Variants in KIF12 observed in about 807,000 individuals in gnomAD.
The protein encoded by KIF12 is kinesin-like protein KIF12.
Under a neutral mutation model 87.9 loss-of-function variants are expected in KIF12, and 80 were observed. The observed-to-expected ratio is 0.91, with a 90% CI of 0.76 to 1.10. The LOEUF is 1.10. Among genes scored for constraint, KIF12 ranks in the 50% least tolerant of loss-of-function variants. The probability of loss-of-function intolerance (pLI) is 0.00; values close to 1 mark genes in which losing one functional copy is unlikely to be tolerated. For missense variants in KIF12, 819 were observed against 865.3 expected, an observed-to-expected ratio of 0.95 and a Z score of 0.67; for synonymous variants, 353 against 348.5, an observed-to-expected ratio of 1.01 and a Z score of -0.14.
Position 114,097,434 on chromosome 9 carries a change from A to T in KIF12, c.513T>A (p.Val171=). The T allele has an allele frequency of 6.3e-7, 1 of 1,590,318 alleles. No homozygotes were observed. Residue 171 remains valine (V), a splice_region_variant and synonymous_variant, in exon 7 of 19, where the codon GTT becomes GTA. Coordinates refer to ENST00000640217, the MANE Select transcript of KIF12 (RefSeq NM_001388308.1). Reference sequence around the variant, plus strand: ...GAGACCCCAGGCTCAGCAAGTCCCGAACCTGGGAGGGGAGGGAGGAGGGTG... The same window carrying T: ...GAGACCCCAGGCTCAGCAAGTCCCGTACCTGGGAGGGGAGGGAGGAGGGTG... ...ASYLEIYNEQ[V]RDLLSLGSPR...
intron 12 of KIF12, 41 bp from the exon 13 acceptor site, chr9:114,094,312 G>A (rs766974860): frequency 2.5e-6 from 4 of 1,610,030 alleles, no homozygotes; most frequent in East Asian, 4.5e-5. Flanking sequence ...AGGAGCCCCA[G>A]ACCCTATCCC....
chr9:114,097,397 G>A lies in KIF12; in HGVS notation c.550C>T (p.Pro184Ser). The A allele has an allele frequency of 1.9e-6, 3 of 1,606,304 alleles. No individual in the cohort carries two copies. Among genetic ancestry groups the A allele is most frequent in the Non-Finnish European group, 2.5e-6 (3 of 1,177,830 alleles). ...LLSLGSPRPL[P>S]VRWNKTRGFY... Reference sequence around the variant, plus strand: ...CCCCGAGTCTTGTTCCAGCGAACAGGGAGGGGCCGGGGAGACCCCAGGCTC... The same window carrying A: ...CCCCGAGTCTTGTTCCAGCGAACAGAGAGGGGCCGGGGAGACCCCAGGCTC... Residue 184 changes from proline to serine, a missense_variant, in exon 7 of 19, where the codon CCT becomes TCT. Pro to Ser is a moderately conservative substitution (Grantham distance 74). Transcript: ENST00000640217.
In KIF12 at chr9:114,096,467, G is replaced by A. The variant is rs1428011980; in HGVS notation, c.658C>T (p.Arg220Ter). ...TTCAGGGTGTGGGCTGAGTTCCTTC[G>A]ACGGCTGAGACCTGGAAGGGAAAAA... is the stretch of plus-strand genomic sequence containing the variant. ...MELLQTGLSR[R>*]RNSAHTLNQA... The change falls in exon 8 of 19, where the codon CGA becomes TGA. Residue 220 changes from arginine (R) to a stop codon, truncating the protein, a stop_gained. Coordinates refer to ENST00000640217, the MANE Select transcript of KIF12 (RefSeq NM_001388308.1). LOFTEE classifies it high-confidence loss of function. 1.2e-6 allele frequency: 2 copies of A among 1,609,784 alleles called. No individual in the cohort carries two copies. Among genetic ancestry groups the A allele is most frequent in the South Asian group, 1.1e-5 (1 of 89,810 alleles).
At position 114,094,208 on chromosome 9, in the gene KIF12, TC is replaced by T. The variant is rs766875224; in HGVS notation, c.1285del (p.Glu429SerfsTer4). On this transcript the variant is annotated frameshift_variant, in exon 13 of 19. Coordinates refer to ENST00000640217, the MANE Select transcript of KIF12 (RefSeq NM_001388308.1). LOFTEE classifies it high-confidence loss of function. Reference protein sequence around the residue: ...AQRNLYGMLQEFMLENERLRK... With the variant: ...AQRNLYGMLQXFMLENERLRK... ...GAGCCTCTCATTCTCTAGCATGAAC[TC>T]CTGTAGCATCCCGTACAGGTTCCGC... 1 of 1,613,880 alleles carries T rather than the reference TC, an allele frequency of 6.2e-7. No homozygotes were observed.
At position 114,093,427 on chromosome 9, in the gene KIF12, C is replaced by T. The variant is rs142281188; in HGVS notation, c.1471G>A (p.Ala491Thr). ...GLTPPCPCLM[A>T]PAPPCHALPP... The stretch of plus-strand genomic sequence containing the variant: ...CTCACATGGCAAGGGGGAGCTGGGG[C>T]CATCAAGCAGGGACACGGTGGGGTC... The change falls in exon 15 of 19, where the codon GCC (alanine) becomes ACC (threonine). Residue 491 changes from alanine (A) to threonine (T), a missense_variant. Physicochemically the swap from Ala to Thr is moderately conservative, Grantham distance 58. Transcript: ENST00000640217. The T allele has an allele frequency of 1.4e-5, 22 of 1,568,584 alleles. No individual in the cohort carries two copies. The African/African-American group carries it at 2.7e-4, about 19-fold the overall frequency.
chr9:114,098,304 G>A lies in KIF12; in HGVS notation c.297C>T (p.Arg99=), dbSNP rs1424727965. Residue 99 remains arginine, a splice_region_variant and synonymous_variant, in exon 4 of 19, where the codon CGC becomes CGT. Transcript: ENST00000640217. The stretch of plus-strand genomic sequence containing the variant: ...AGCGGAGGCGAAGCTTCACTCACCC[G>A]CGCAGCGCCAGCTCCCCCAGGCGCC... ...GVRRLGELAL[R]GFSCTVFTFG... is the part of the protein sequence containing the mutation. 1 of 1,468,488 alleles carries A rather than the reference G, an allele frequency of 6.8e-7. No individual in the cohort carries two copies. The highest frequency in any genetic ancestry group is 1.4e-5 in the South Asian group (1 of 72,222). The allele number at this position is 1,468,488 out of a possible 1,614,324, so 91.0% of individuals were successfully genotyped here.
rs1307126050 is a variant in KIF12, at chr9:114,091,653, C to G, written c.*208G>C. The G allele has an allele frequency of 7.8e-6, 4 of 510,178 alleles. No individual in the cohort carries two copies. The highest frequency in any genetic ancestry group is 3.5e-5 in the Admixed American group (1 of 28,280). 31.6% of individuals were successfully genotyped at this position (510,178 alleles called of 1,614,324 possible). A position where few individuals can be genotyped will look rare whatever the true frequency, so the allele number is the denominator to read the frequency against. On this transcript the variant is annotated 3_prime_UTR_variant, in exon 19 of 19. Coordinates refer to ENST00000640217, the MANE Select transcript of KIF12 (RefSeq NM_001388308.1). The stretch of plus-strand genomic sequence containing the variant: ...CCAACCAGACTTGGAGCTGATGCCT[C>G]TCTTTATTCATGTATTTCATCCCCT...
In KIF12 at chr9:114,095,009, C is replaced by T. The variant is rs1588503118; in HGVS notation, c.1119+14G>A. The stretch of plus-strand genomic sequence containing the variant: ...TCCACGCCTGTCCCTCAGCTTGTGC[C>T]TGCCTATACTCACCTTGGGGGCCTG... On this transcript the variant is annotated intron_variant, in intron 11 of 18. Transcript: ENST00000640217. 1 of 1,544,800 alleles carries T rather than the reference C, an allele frequency of 6.5e-7. No individual in the cohort carries two copies. The highest frequency in any genetic ancestry group is 8.7e-7 in the Non-Finnish European group (1 of 1,146,240).
chr9:114,097,534 T>C, intron 6 of KIF12, 73 bp downstream of exon 6: 2 of 1,597,838 alleles, frequency 1.3e-6, no homozygotes, highest in South Asian at 1.1e-5. Context: ...CTTCTGTCCT[T>C]TGATCCAGGC....
In KIF12 at chr9:114,093,495, C is replaced by T. The variant is rs372317733; in HGVS notation, c.1403G>A (p.Arg468His). ...GTGATGGTAGCAGGCAGAGAGGAGA[C>T]GCCTAGAAAGAACAGCAGGGTCTAT... ...LAQQVHALERRLLSACYHHQQ... is the reference protein window; with the variant it reads ...LAQQVHALERHLLSACYHHQQ... Residue 468 changes from arginine (R) to histidine (H), a missense_variant and splice_region_variant, in exon 15 of 19, where the codon CGT (arginine) becomes CAT (histidine). Physicochemically the swap from Arg to His is conservative, Grantham distance 29. Transcript: ENST00000640217. The T allele has an allele frequency of 5.0e-5, 78 of 1,555,486 alleles. No individual in the cohort carries two copies. The African/African-American group carries it at 5.3e-4, about 11-fold the overall frequency.
At chr9:114,097,829 G>A in intron 5 of KIF12, 88 bp from the exon 6 acceptor site, 2 of 1,422,786 alleles carry the variant, frequency 1.4e-6, no homozygotes, top group Middle Eastern at 2.5e-4. Context: ...GCCGGGAAAC[G>A]TGCCAAGTTC....
chr9:114,092,333 C>T lies in KIF12; in HGVS notation c.1816G>A (p.Gly606Ser), dbSNP rs756964908. 6.3e-7 allele frequency: 1 copy of T among 1,575,084 alleles called. No individual in the cohort carries two copies. Among genetic ancestry groups the T allele is most frequent in the Non-Finnish European group, 8.6e-7 (1 of 1,163,316 alleles). ...RPPKTSPGLR[G>S]GAGVPNLAQR... ...GCCCCTCCCTCTCTCCCTTCTTCAC[C>T]TCTGAGCCCTGGTGATGTCTTCGGG... The change falls in exon 18 of 19, where the codon GGT becomes AGT. Residue 606 changes from glycine to serine, a missense_variant and splice_region_variant. Gly to Ser is a moderately conservative substitution (Grantham distance 56, BLOSUM62 0). Coordinates refer to ENST00000640217, the MANE Select transcript of KIF12 (RefSeq NM_001388308.1).
chr9:114,097,466 G>T, intron 6 of KIF12, 30 bp from the exon 7 acceptor site: 2 of 1,581,538 alleles, frequency 1.3e-6, no homozygotes, highest in Non-Finnish European at 1.7e-6. Flanking sequence ...GGTGAGGGAA[G>T]GGGATCTTTC....
Position 114,097,411 on chromosome 9 carries a change from G to A in KIF12, c.536C>T (p.Ser179Phe), listed in dbSNP as rs1332012030. 5.0e-6 allele frequency: 8 copies of A among 1,599,146 alleles called. No homozygotes were observed. The highest frequency in any genetic ancestry group is 6.0e-6 in the Non-Finnish European group (7 of 1,175,194). ...CCAGCGAACAGGGAGGGGCCGGGGAGACCCCAGGCTCAGCAAGTCCCGAAC... is the reference window on the plus strand; with the variant it reads ...CCAGCGAACAGGGAGGGGCCGGGGAAACCCCAGGCTCAGCAAGTCCCGAAC... ...EQVRDLLSLG[S>F]PRPLPVRWNK... Residue 179 changes from serine (S) to phenylalanine (F), a missense_variant, in exon 7 of 19, where the codon TCT (serine) becomes TTT (phenylalanine). Coordinates refer to ENST00000640217, the MANE Select transcript of KIF12 (RefSeq NM_001388308.1).
chr9:114,092,183 A>G (rs1397518092), intron 18 of KIF12, 150 bp downstream of exon 18: 3 of 1,483,764 alleles, frequency 2.0e-6, no homozygotes, highest in Non-Finnish European at 2.7e-6. Context: ...TCCTAAAAAG[A>G]GAATTCCAAG....
rs1287007061 is a variant in KIF12 at position 114,094,348 on chromosome 9, C to A, written c.1222+5G>T. 6.2e-7 allele frequency: 1 copy of A among 1,612,986 alleles called. No individual in the cohort carries two copies. Among genetic ancestry groups the A allele is most frequent in the Non-Finnish European group, 8.5e-7 (1 of 1,179,034 alleles). On this transcript the variant is annotated splice_donor_5th_base_variant and intron_variant, in intron 12 of 18. Transcript: ENST00000640217. ...CATCCTACTCTGCCTCCAGGAAGCC[C>A]ATACCCTTGCAGTCCATTTGGTCCA...
rs1016341184 is a variant in KIF12 at position 114,091,776 on chromosome 9, A to G, written c.*85T>C. 1.4e-6 allele frequency: 2 copies of G among 1,388,362 alleles called. No individual in the cohort carries two copies. Among genetic ancestry groups the G allele is most frequent in the Non-Finnish European group, 1.9e-6 (2 of 1,037,938 alleles). 86.0% of individuals were successfully genotyped at this position (1,388,362 alleles called of 1,614,324 possible). A position where few individuals can be genotyped will look rare whatever the true frequency, so the allele number is the denominator to read the frequency against. The stretch of plus-strand genomic sequence containing the variant: ...AGGTGGAGTAGCAGCTGCTGTCTCC[A>G]TTCAGCAGATGGGCAGACTGAAGCC... On this transcript the variant is annotated 3_prime_UTR_variant, in exon 19 of 19. Transcript: ENST00000640217.
Position 114,093,293 on chromosome 9 carries a change from C to T in KIF12, c.1532G>A (p.Cys511Tyr). 1 of 1,561,250 alleles carries T rather than the reference C, an allele frequency of 6.4e-7. No homozygotes were observed. The highest frequency in any genetic ancestry group is 8.7e-7 in the Non-Finnish European group (1 of 1,151,878). Residue 511 changes from cysteine (C) to tyrosine (Y), a missense_variant, in exon 16 of 19, where the codon TGC becomes TAC. Physicochemically the swap from Cys to Tyr is radical, Grantham distance 194. Coordinates refer to ENST00000640217, the MANE Select transcript of KIF12 (RefSeq NM_001388308.1). ...PLYSCPCCHI[C>Y]PLCRVPLAHW... ...GGCCAGGGGCACTCGACACAGTGGG[C>T]AGATGTGGCAGCAGGGGCAGGAGTA...
At position 114,093,346 on chromosome 9, in the gene KIF12, G is replaced by A. The variant is rs1333495096; in HGVS notation, c.1492-13C>T. ...GGGGTGGCAGTGCCTGCAAAAAGGT[G>A]CGTCAGAGGCTCCATGACATCCCTA... On this transcript the variant is annotated splice_polypyrimidine_tract_variant and intron_variant, in intron 15 of 18. Coordinates refer to ENST00000640217, the MANE Select transcript of KIF12 (RefSeq NM_001388308.1). 1.3e-6 allele frequency: 2 copies of A among 1,555,440 alleles called. No homozygotes were observed. The highest frequency in any genetic ancestry group is 2.4e-5 in the East Asian group (1 of 41,638).
Sources: gnomAD v4.1 joint callset for allele counts on GRCh38, gnomAD v4.1.1 for gene constraint, MANE v1.5 for transcripts, NCBI Gene and HGNC (gene_info 2026-07-23, HGNC 2026-07-21) for gene names.